GBE1: variants seen among roughly 807,000 people sequenced by gnomAD.
GBE1 encodes the protein 1,4-alpha-glucan branching enzyme 1, also known as 1,4-alpha-glucan-branching enzyme.
In GBE1, 70 loss-of-function variants were observed where a neutral mutation model predicts 88.8. That is an observed-to-expected ratio of 0.79 (90% CI 0.65 to 0.96). The LOEUF is 0.96. Ranked by LOEUF, GBE1 falls within the 40% of genes least tolerant of loss-of-function variation. The probability of loss-of-function intolerance (pLI) is 0.00; values close to 1 mark genes in which losing one functional copy is unlikely to be tolerated. For missense variants in GBE1, 872 were observed against 871.0 expected (o/e 1.00, Z -0.01); for synonymous variants, 284 against 300.1 (o/e 0.95, Z 0.56).
At chr3:81,528,045 T>G (rs1489402041) in intron 14 of GBE1, among the ~76,000 whole-genome samples, 1 of 151,780 alleles carries the variant, frequency 6.6e-6, no homozygotes, top group East Asian at 1.9e-4. Context: ...CCATAACAAA[T>G]GATGAGTTCA....
At chr3:81,536,888 A>T in intron 13 of GBE1, 23 bp downstream of exon 13, 1 of 1,550,382 alleles carries the variant, frequency 6.5e-7, no homozygotes, top group South Asian at 1.3e-5. Context: ...ACTAAAACAC[A>T]GCATCCAGAG....
chr3:81,755,581 C>G (rs971585795), intron 1 of GBE1, among the ~76,000 whole-genome samples: 1 of 152,086 alleles, frequency 6.6e-6, no homozygotes, highest in Non-Finnish European at 1.5e-5. Flanking sequence ...AAGTGCTTAT[C>G]AACGGATGAA....
chr3:81,670,699 C>G, intron 3 of GBE1, 139 bp downstream of exon 3: 1 of 538,456 alleles, frequency 1.9e-6, no homozygotes, highest in Non-Finnish European at 3.2e-6. Flanking sequence ...TCCTAAATTT[C>G]CCTCTATTTG....
intron 12 of GBE1, among the ~76,000 whole-genome samples, chr3:81,547,576 C>T (rs561668731): frequency 2.7e-5 from 4 of 150,432 alleles, no homozygotes; most frequent in Non-Finnish European, 5.9e-5. Flanking sequence ...CCCGGCATGC[C>T]AGCAAAAGGA....
At chr3:81,721,841 T>C (rs1245051640) in intron 1 of GBE1, among the ~76,000 whole-genome samples, 1 of 152,230 alleles carries the variant, frequency 6.6e-6, no homozygotes, top group Non-Finnish European at 1.5e-5. Context: ...GCATTTACTA[T>C]GTACCTAGCA....
intron 1 of GBE1, among the ~76,000 whole-genome samples, chr3:81,736,300 G>C (rs895180152): frequency 6.6e-6 from 1 of 152,162 alleles, no homozygotes; most frequent in African/African-American, 2.4e-5. Context: ...GAAACGTTAA[G>C]GGATCTCAAC....
intron 2 of GBE1, among the ~76,000 whole-genome samples, chr3:81,696,112 A>G (rs1705589464): frequency 6.6e-6 from 1 of 152,200 alleles, no homozygotes; most frequent in Non-Finnish European, 1.5e-5. Flanking sequence ...ACAGGGGTTG[A>G]AAATATAAAG....
chr3:81,595,794 T>C (rs1576163291), intron 7 of GBE1, among the ~76,000 whole-genome samples: 1 of 151,976 alleles, frequency 6.6e-6, no homozygotes, highest in South Asian at 2.1e-4. Context: ...ATAAACTGTG[T>C]TTAAAATATT....
At chr3:81,603,198 G>A (rs887574606) in intron 7 of GBE1, among the ~76,000 whole-genome samples, 1 of 151,860 alleles carries the variant, frequency 6.6e-6, no homozygotes, top group African/African-American at 2.4e-5. Flanking sequence ...AGCAATCCTA[G>A]GAATTGCTTA....
rs530314245 is a variant in GBE1, at chr3:81,710,361, A to G, written c.144-4748T>C. ...GCCATTCTCCTGCCTCAGCCTCCCG[A>G]GCAGCTGGGACTACAGGCACCCACC... On this transcript the variant is annotated intron_variant, in intron 1 of 15. Coordinates refer to ENST00000429644, the MANE Select transcript of GBE1 (RefSeq NM_000158.4). 3.4e-5 allele frequency among the ~76,000 whole-genome samples: 5 copies of G among 147,960 alleles called. 1 individual carries two copies. Among genetic ancestry groups the G allele is most frequent in the African/African-American group, 1.3e-4 (5 of 39,954 alleles).
intron 11 of GBE1, 33 bp downstream of exon 11, chr3:81,581,132 G>T (rs754723433): frequency 5.8e-6 from 7 of 1,214,836 alleles, no homozygotes; most frequent in Middle Eastern, 1.9e-4. Context: ...GAGAGAGAGA[G>T]AAATAAATGA....
At chr3:81,513,458 G>T (rs543166198) in intron 14 of GBE1, among the ~76,000 whole-genome samples, 1 of 151,594 alleles carries the variant, frequency 6.6e-6, no homozygotes, top group East Asian at 1.9e-4. Flanking sequence ...CTATGTGCTA[G>T]AGGGCAAAGA....
At chr3:81,642,641 C>G in intron 7 of GBE1, 140 bp downstream of exon 7, 2 of 628,524 alleles carry the variant, frequency 3.2e-6, no homozygotes, top group South Asian at 3.8e-5. Context: ...AAGGTAAAAT[C>G]CCCTGTACAA....
intron 14 of GBE1, among the ~76,000 whole-genome samples, chr3:81,515,019 T>C (rs1039689835): frequency 6.6e-6 from 1 of 151,510 alleles, no homozygotes; most frequent in African/African-American, 2.4e-5. Context: ...AAAAAACATA[T>C]ATTTTGGATA....
intron 2 of GBE1, among the ~76,000 whole-genome samples, chr3:81,672,806 G>A (rs964206329): frequency 9.9e-5 from 15 of 151,828 alleles, no homozygotes; most frequent in South Asian, 2.1e-4. Flanking sequence ...ATACTGGGTC[G>A]CTAAGACATT....
intron 14 of GBE1, among the ~76,000 whole-genome samples, chr3:81,501,647 AAAACT>A (rs1189251858): frequency 6.6e-6 from 1 of 151,232 alleles, no homozygotes; most frequent in Admixed American, 6.6e-5. Flanking sequence ...TTAAGGTTGC[AAAACT>A]AAAAGTAAGA....
intron 11 of GBE1, 86 bp from the exon 12 acceptor site, chr3:81,578,182 A>C: frequency 1.1e-6 from 1 of 924,492 alleles, no homozygotes; most frequent in Non-Finnish European, 1.6e-6. Context: ...ATGGTTACAA[A>C]TGTTAGGAAA....
intron 7 of GBE1, among the ~76,000 whole-genome samples, chr3:81,596,766 C>T (rs1333948461): frequency 6.6e-6 from 1 of 151,830 alleles, no homozygotes; most frequent in Non-Finnish European, 1.5e-5. Context: ...GGACATCCAG[C>T]AGAGGTACCC....
chr3:81,499,590 T>C (rs1702559083), intron 14 of GBE1, among the ~76,000 whole-genome samples: 1 of 152,144 alleles, frequency 6.6e-6, no homozygotes, highest in Non-Finnish European at 1.5e-5. Context: ...AGACAAGCCA[T>C]AAAGAATAAG....
Sources: allele counts gnomAD v4.1 joint callset (sites outside exome capture counted in the v4.1 genomes callset), GRCh38; gene constraint gnomAD v4.1.1; transcripts MANE v1.5; gene names NCBI Gene and HGNC (gene_info 2026-07-23, HGNC 2026-07-21).